Variants in COL4A4 observed in about 807,000 individuals in gnomAD.
COL4A4 encodes collagen alpha-4(IV) chain.
COL4A4 carries 105 observed loss-of-function variants against 192.9 expected under a neutral mutation model. That is an observed-to-expected ratio of 0.54 (90% confidence interval 0.46 to 0.64). The LOEUF (loss-of-function observed/expected upper bound fraction) is 0.64, where lower values mean the gene tolerates loss of function less well. Ranked by LOEUF, COL4A4 falls within the 30% of genes least tolerant of loss-of-function variation. The probability of loss-of-function intolerance (pLI) is 0.00; values close to 1 mark genes in which losing one functional copy is unlikely to be tolerated. For missense variants in COL4A4, 1,967 were observed against 2,169.3 expected, an observed-to-expected ratio of 0.91 and a Z score of 1.85; for synonymous variants, 762 against 769.9, an observed-to-expected ratio of 0.99 and a Z score of 0.17.
chr2:227,101,673 C>T, intron 16 of COL4A4, 116 bp from the exon 17 acceptor site: 1 of 1,143,652 alleles, frequency 8.7e-7, no homozygotes, highest in Non-Finnish European at 1.3e-6. Flanking sequence ...AGTCTTAACA[C>T]TGTTCATCAG....
At chr2:227,012,435 T>C in intron 44 of COL4A4, 138 bp from the exon 45 acceptor site, 2 of 729,512 alleles carry the variant, frequency 2.7e-6, no homozygotes, top group South Asian at 1.5e-5. Context: ...GCTCATTTAG[T>C]CTTTGCAATG....
At chr2:226,976,417 A>G in the COL4A4 span, among the ~76,000 whole-genome samples, 3 of 151,670 alleles carry the variant, frequency 2.0e-5, no homozygotes, top group African/African-American at 7.3e-5. Flanking sequence ...CAGTACCCCA[A>G]TATAGTAACA....
At chr2:226,973,475 A>G in the COL4A4 span, among the ~76,000 whole-genome samples, 16 of 152,306 alleles carry the variant, frequency 1.1e-4, no homozygotes, top group South Asian at 2.1e-4. Context: ...CATTTACCCA[A>G]CTGCCCCCAT....
In COL4A4 at chr2:227,091,247, CAGATATAGATATAGATAT is replaced by C. The variant is rs58703873; in HGVS notation, c.1370-1308_1370-1291del. 2.2e-3 allele frequency among the ~76,000 whole-genome samples: 318 copies of C among 142,420 alleles called. 3 individuals are homozygous for C. The highest frequency in any genetic ancestry group is 7.8e-3 in the African/African-American group (294 of 37,726). The allele number at this position is 142,420 out of a possible 152,430, so 93.4% of individuals were successfully genotyped here. The stretch of plus-strand genomic sequence containing the variant: ...AAAAGAGAACACAGCAATTGAAAAA[CAGATATAGATATAGATAT>C]AGATATAGATATAGATATAGATATA... On this transcript the variant is annotated intron_variant, in intron 20 of 47. Coordinates refer to ENST00000396625, the MANE Select transcript of COL4A4 (RefSeq NM_000092.5).
intron 12 of COL4A4, among the ~76,000 whole-genome samples, chr2:227,107,798 A>AC (rs2060940978): frequency 7.5e-6 from 1 of 133,590 alleles, no homozygotes; most frequent in Non-Finnish European, 1.5e-5. Flanking sequence ...TTGCTTTGTC[A>AC]CCAGGCTGGA....
At chr2:227,100,976 G>GT (rs1174150653) in intron 17 of COL4A4, among the ~76,000 whole-genome samples, 5 of 151,542 alleles carry the variant, frequency 3.3e-5, no homozygotes, top group Non-Finnish European at 7.4e-5. Context: ...GGCTAATTTT[G>GT]TTTTTGTATT....
At position 227,008,461 on chromosome 2, in the gene COL4A4, C is replaced by T. The variant is rs762308716; in HGVS notation, c.4523-157G>A. On this transcript the variant is annotated intron_variant, in intron 46 of 47. Transcript: ENST00000396625. ...GTGGTGAGGAAGCCATTTCTGACAC[C>T]TCCCTGGTCCTGTGGGCCAGCCCTC... 2.0e-5 allele frequency among the ~76,000 whole-genome samples: 3 copies of T among 152,132 alleles called. No individual in the cohort carries two copies. The East Asian group carries it at 5.8e-4, about 29-fold the overall frequency.
intron 22 of COL4A4, among the ~76,000 whole-genome samples, chr2:227,082,594 A>G (rs1320420469): frequency 6.6e-6 from 1 of 152,144 alleles, no homozygotes; most frequent in African/African-American, 2.4e-5. Context: ...ATTTATAACT[A>G]ATTTTTGTAA....
At chr2:226,969,822 A>G in the COL4A4 span, among the ~76,000 whole-genome samples, 1 of 152,208 alleles carries the variant, frequency 6.6e-6, no homozygotes, top group African/African-American at 2.4e-5. Context: ...ATTCTTCATA[A>G]TGCTAAATTT....
At chr2:227,062,639 G>C in intron 25 of COL4A4, 41 bp from the exon 26 acceptor site, 1 of 1,365,116 alleles carries the variant, frequency 7.3e-7, no homozygotes, top group Non-Finnish European at 1.0e-6. Context: ...ATAACTGATA[G>C]CCCAGTGCAA....
chr2:227,044,734 A>G (rs1412839497), intron 35 of COL4A4, among the ~76,000 whole-genome samples: 1 of 152,126 alleles, frequency 6.6e-6, no homozygotes, highest in Non-Finnish European at 1.5e-5. Flanking sequence ...GACTGAACCC[A>G]GGATAATCAC....
chr2:227,157,623 A>G (rs2064460110), intron 1 of COL4A4, among the ~76,000 whole-genome samples: 1 of 152,028 alleles, frequency 6.6e-6, no homozygotes, highest in Non-Finnish European at 1.5e-5. Flanking sequence ...TCTTCTTATA[A>G]TTATATGTCA....
intron 37 of COL4A4, among the ~76,000 whole-genome samples, chr2:227,038,647 TAAGTTA>T (rs1304181598): frequency 6.6e-6 from 1 of 152,214 alleles, no homozygotes; most frequent in Non-Finnish European, 1.5e-5. Context: ...AGCATATGTT[TAAGTTA>T]AAGTTTAAAT....
At chr2:227,099,030 G>T (rs1001984500) in intron 18 of COL4A4, among the ~76,000 whole-genome samples, 2 of 152,084 alleles carry the variant, frequency 1.3e-5, no homozygotes, top group Non-Finnish European at 2.9e-5. Context: ...TACTCCTTTT[G>T]GTGGCAGCAT....
intron 20 of COL4A4, among the ~76,000 whole-genome samples, chr2:227,090,576 C>T (rs922890195): frequency 1.3e-5 from 2 of 151,652 alleles, no homozygotes; most frequent in Non-Finnish European, 2.9e-5. Flanking sequence ...TGGTAAAACC[C>T]CCCCCATCTC....
At chr2:227,020,968 C>T (rs995359590) in intron 44 of COL4A4, among the ~76,000 whole-genome samples, 13 of 150,786 alleles carry the variant, frequency 8.6e-5, no homozygotes, top group African/African-American at 2.7e-4. Context: ...ACCGTTCAAG[C>T]GATTCTCCTG....
At chr2:227,043,400 A>G (rs1489908909) in intron 35 of COL4A4, among the ~76,000 whole-genome samples, 1 of 152,254 alleles carries the variant, frequency 6.6e-6, no homozygotes, top group East Asian at 1.9e-4. Context: ...ACATGTACAG[A>G]TAATACCCAC....
At chr2:227,104,385 A>T (rs1257596555) in intron 12 of COL4A4, among the ~76,000 whole-genome samples, 1 of 140,210 alleles carries the variant, frequency 7.1e-6, no homozygotes, top group Non-Finnish European at 1.5e-5. Context: ...CCTGGCTAAC[A>T]CGGTGAAACC....
chr2:227,038,784 A>C (rs1186579931), intron 37 of COL4A4, among the ~76,000 whole-genome samples: 1 of 152,256 alleles, frequency 6.6e-6, no homozygotes, highest in East Asian at 1.9e-4. Flanking sequence ...TAGTTAGAAC[A>C]TACTGCAAAT....
Sources: gnomAD v4.1 joint callset for allele counts (sites outside exome capture counted in the v4.1 genomes callset) on GRCh38, gnomAD v4.1.1 for gene constraint, MANE v1.5 for transcripts, NCBI Gene and HGNC (gene_info 2026-07-23, HGNC 2026-07-21) for gene names.